The following EDIL3 variants were observed in gnomAD, a reference collection of about 807,000 sequenced individuals.
EDIL3 encodes the protein EGF like and discoidin domains 3.
EDIL3 carries 37 observed loss-of-function variants against 67.4 expected under a neutral mutation model. The ratio of observed to expected loss-of-function variants is 0.55; its 90% CI spans 0.42 to 0.72. The LOEUF is 0.72. Among genes scored for constraint, EDIL3 ranks in the 30% least tolerant of loss-of-function variants. The pLI, the probability that EDIL3 is intolerant of heterozygous loss-of-function variation, is 0.00. For synonymous variants in EDIL3, 195 were observed against 196.3 expected, an observed-to-expected ratio of 0.99 and a Z score of 0.05; for missense variants, 527 against 586.3, an observed-to-expected ratio of 0.90 and a Z score of 1.04.
chr5:84,103,388 G>A (rs1019643163), intron 6 of EDIL3, among the ~76,000 whole-genome samples: 2 of 151,952 alleles, frequency 1.3e-5, no homozygotes, highest in Non-Finnish European at 2.9e-5. Context: ...TTAAACTAAA[G>A]AGCTTCTGCA....
At chr5:84,233,934 G>A (rs1744630683) in intron 2 of EDIL3, among the ~76,000 whole-genome samples, 1 of 152,140 alleles carries the variant, frequency 6.6e-6, no homozygotes, top group Admixed American at 6.5e-5. Context: ...GAATCTTGAT[G>A]AGATTGTTGA....
intron 4 of EDIL3, among the ~76,000 whole-genome samples, chr5:84,151,169 G>A (rs888521162): frequency 3.3e-5 from 5 of 151,698 alleles, no homozygotes; most frequent in South Asian, 2.1e-4. Flanking sequence ...TTTATTCTGC[G>A]CTAATTATAC....
At chr5:84,378,428 T>C (rs539000827) in intron 1 of EDIL3, among the ~76,000 whole-genome samples, 1 of 152,284 alleles carries the variant, frequency 6.6e-6, no homozygotes, top group South Asian at 2.1e-4. Context: ...CTGCAAAGTA[T>C]CACTGCTTTT....
chr5:84,051,000 C>A (rs766527233), intron 9 of EDIL3, among the ~76,000 whole-genome samples: 1 of 152,200 alleles, frequency 6.6e-6, no homozygotes, highest in Non-Finnish European at 1.5e-5. Context: ...GATCTGAGAA[C>A]GGACAGACTG....
In EDIL3 at chr5:84,208,547, T is replaced by C. The variant is rs1196739779; in HGVS notation, c.226+21308A>G. 1.0e-2 allele frequency among the ~76,000 whole-genome samples: 1,491 copies of C among 149,746 alleles called. 31 individuals carry two copies. Among genetic ancestry groups the C allele is most frequent in the African/African-American group, 0.035 (1,406 of 40,628 alleles). On this transcript the variant is annotated intron_variant, in intron 3 of 10. Coordinates refer to ENST00000296591, the MANE Select transcript of EDIL3 (RefSeq NM_005711.5). Reference sequence around the variant, plus strand: ...ACAAAAAATTAGCCGGGCGCGGTGGTGGGCGCCTGTAGTCCCAGCTACTCG... The same window carrying C: ...ACAAAAAATTAGCCGGGCGCGGTGGCGGGCGCCTGTAGTCCCAGCTACTCG...
intron 9 of EDIL3, among the ~76,000 whole-genome samples, chr5:83,997,970 C>T (rs1745263153): frequency 6.6e-6 from 1 of 152,144 alleles, no homozygotes; most frequent in African/African-American, 2.4e-5. Context: ...ATCGCCCATC[C>T]AGCAGTAGGA....
At chr5:84,122,229 C>T (rs754776222) in intron 5 of EDIL3, among the ~76,000 whole-genome samples, 1 of 151,942 alleles carries the variant, frequency 6.6e-6, no homozygotes, top group Non-Finnish European at 1.5e-5. Context: ...TTCCTGCTCC[C>T]CTTCCAAAGG....
intron 9 of EDIL3, among the ~76,000 whole-genome samples, chr5:84,050,599 C>G (rs1297942656): frequency 2.6e-5 from 4 of 152,290 alleles, no homozygotes; most frequent in Admixed American, 1.3e-4. Context: ...CCTGGAAAAT[C>G]CGGTCACTCC....
chr5:84,311,873 G>T (rs368205044), intron 1 of EDIL3, among the ~76,000 whole-genome samples: 1 of 152,094 alleles, frequency 6.6e-6, no homozygotes, highest in Non-Finnish European at 1.5e-5. Context: ...CACAGGGTTG[G>T]GGGTAGGGTC....
chr5:84,150,175 T>C lies in EDIL3; in HGVS notation c.356-12821A>G, dbSNP rs4703984. The stretch of plus-strand genomic sequence containing the variant: ...ATCAAAATTATTCTGTAGATAAATG[T>C]AGTCTTTTCAAAAAATGATGCTGAA... On this transcript the variant is annotated intron_variant, in intron 4 of 10. Coordinates refer to ENST00000296591, the MANE Select transcript of EDIL3 (RefSeq NM_005711.5). Among the ~76,000 whole-genome samples the C allele has an allele frequency of 2.6e-3, 399 of 152,284 alleles. 7 individuals carry two copies. Among genetic ancestry groups the C allele is most frequent in the Admixed American group, 0.021 (318 of 15,300 alleles).
intron 1 of EDIL3, among the ~76,000 whole-genome samples, chr5:84,301,794 G>T (rs761648783): frequency 5.3e-5 from 8 of 152,134 alleles, no homozygotes; most frequent in Non-Finnish European, 1.2e-4. Context: ...CCTTAGAACT[G>T]ACTGGTCCAA....
intron 5 of EDIL3, among the ~76,000 whole-genome samples, chr5:84,107,517 T>C (rs1312155123): frequency 1.3e-5 from 2 of 151,590 alleles, no homozygotes; most frequent in Admixed American, 6.6e-5. Flanking sequence ...TAAATCAAGA[T>C]ATTAAAATAC....
At chr5:84,072,175 C>A (rs1337880597) in intron 6 of EDIL3, among the ~76,000 whole-genome samples, 1 of 151,664 alleles carries the variant, frequency 6.6e-6, no homozygotes, top group Non-Finnish European at 1.5e-5. Context: ...AGATTAAAAG[C>A]AAAATAAATA....
At chr5:84,081,570 C>T (rs1746968245) in intron 6 of EDIL3, among the ~76,000 whole-genome samples, 1 of 151,756 alleles carries the variant, frequency 6.6e-6, no homozygotes, top group South Asian at 2.1e-4. Context: ...GTCTTTAATG[C>T]ACAATCTCAG....
At chr5:83,954,476 T>A (rs557096045) in intron 10 of EDIL3, among the ~76,000 whole-genome samples, 1 of 151,676 alleles carries the variant, frequency 6.6e-6, no homozygotes, top group Admixed American at 6.6e-5. Flanking sequence ...AAAAATAATG[T>A]GTCACCTTAT....
chr5:84,236,476 C>T (rs1335348565), intron 2 of EDIL3, among the ~76,000 whole-genome samples: 1 of 152,026 alleles, frequency 6.6e-6, no homozygotes, highest in Non-Finnish European at 1.5e-5. Context: ...CTATCCAAAC[C>T]CAAACCATCC....
chr5:84,174,004 T>A (rs895907355), intron 4 of EDIL3, among the ~76,000 whole-genome samples: 16 of 151,914 alleles, frequency 1.1e-4, no homozygotes, highest in African/African-American at 3.9e-4. Flanking sequence ...GAGGGGGTGG[T>A]GGTGCACTGC....
At chr5:83,972,852 C>T (rs1459709895) in intron 9 of EDIL3, among the ~76,000 whole-genome samples, 1 of 151,896 alleles carries the variant, frequency 6.6e-6, no homozygotes, top group Non-Finnish European at 1.5e-5. Context: ...GAATTTCTGT[C>T]TTTTAAAATG....
At chr5:84,374,402 A>T (rs1489916812) in intron 1 of EDIL3, among the ~76,000 whole-genome samples, 1 of 152,182 alleles carries the variant, frequency 6.6e-6, no homozygotes, top group African/African-American at 2.4e-5. Context: ...TTCTCTGCTT[A>T]TGTTCCCTAA....
Sources: allele counts gnomAD v4.1 joint callset (sites outside exome capture counted in the v4.1 genomes callset), GRCh38; gene constraint gnomAD v4.1.1; transcripts MANE v1.5; gene names NCBI Gene and HGNC (gene_info 2026-07-23, HGNC 2026-07-21).